The following PDLIM5 variants were observed in gnomAD, a reference collection of about 807,000 sequenced individuals.
PDLIM5 encodes the protein PDZ and LIM domain 5.
Under a neutral mutation model 64.2 loss-of-function variants are expected in PDLIM5, and 34 were observed. That is an observed-to-expected ratio of 0.53 (90% CI 0.40 to 0.71). The LOEUF is 0.71. PDLIM5 is among the 30% of genes least tolerant of loss of function. The pLI, the probability that PDLIM5 is intolerant of heterozygous loss-of-function variation, is 0.00. For synonymous variants in PDLIM5, 253 were observed against 269.1 expected (o/e 0.94, Z 0.59); for missense variants, 683 against 733.6 (o/e 0.93, Z 0.80).
intron 8 of PDLIM5, among the ~76,000 whole-genome samples, chr4:94,620,399 G>A (rs990484152): frequency 1.3e-5 from 2 of 152,012 alleles, no homozygotes; most frequent in Non-Finnish European, 2.9e-5. Context: ...GCCAGACATG[G>A]TGGCACATGA....
chr4:94,659,490 GTGTA>G (rs202185484), intron 11 of PDLIM5, among the ~76,000 whole-genome samples: 9,977 of 113,748 alleles, frequency 0.088, 394 homozygotes, highest in African/African-American at 0.13. Flanking sequence ...GTATATATGT[GTGTA>G]TGTGTGTGTG....
At chr4:94,508,293 CTG>C (rs1389169244) in intron 2 of PDLIM5, among the ~76,000 whole-genome samples, 3 of 152,210 alleles carry the variant, frequency 2.0e-5, no homozygotes, top group Middle Eastern at 3.4e-3. Flanking sequence ...TAAAAGCCAA[CTG>C]TGTAGGCTGG....
At chr4:94,633,110 C>T in intron 8 of PDLIM5, among the ~76,000 whole-genome samples, 1 of 152,178 alleles carries the variant, frequency 6.6e-6, no homozygotes, top group South Asian at 2.1e-4. Context: ...AAAGAGTACT[C>T]TTTTAGAGAT....
chr4:94,516,506 C>G (rs907634250), intron 2 of PDLIM5, among the ~76,000 whole-genome samples: 1 of 96,846 alleles, frequency 1.0e-5, no homozygotes, highest in African/African-American at 7.4e-5. Context: ...AAATCCAAAG[C>G]AGTCTCTCTC....
chr4:94,558,727 GTTGCTTTT>G (rs1733584352), intron 3 of PDLIM5, among the ~76,000 whole-genome samples: 1 of 150,158 alleles, frequency 6.7e-6, no homozygotes, highest in African/African-American at 2.4e-5. Context: ...GGTTTTTCTT[GTTGCTTTT>G]TTTTTTATTC....
chr4:94,496,706 C>T (rs2126127242), intron 2 of PDLIM5, among the ~76,000 whole-genome samples: 1 of 152,230 alleles, frequency 6.6e-6, no homozygotes, highest in African/African-American at 2.4e-5. Context: ...CCCAGGCTGG[C>T]CTAGAACTCC....
At chr4:94,591,572 G>C (rs1736675710) in intron 7 of PDLIM5, among the ~76,000 whole-genome samples, 1 of 152,176 alleles carries the variant, frequency 6.6e-6, no homozygotes, top group African/African-American at 2.4e-5. Flanking sequence ...CCTAGGCTTG[G>C]TGGTGCTGCC....
chr4:94,636,539 C>CT (rs770256162), intron 8 of PDLIM5, among the ~76,000 whole-genome samples: 11,498 of 133,828 alleles, frequency 0.086, 595 homozygotes, highest in Non-Finnish European at 0.11. Flanking sequence ...AGAGTTCGTA[C>CT]TTTTTTTTTT....
intron 2 of PDLIM5, among the ~76,000 whole-genome samples, chr4:94,497,549 A>G (rs1163213520): frequency 1.3e-5 from 2 of 152,186 alleles, no homozygotes; most frequent in Non-Finnish European, 2.9e-5. Context: ...ATCTTTTAAG[A>G]TATCTTTCTG....
chr4:94,478,655 G>A (rs1055200570), intron 2 of PDLIM5, among the ~76,000 whole-genome samples: 5 of 151,990 alleles, frequency 3.3e-5, no homozygotes, highest in East Asian at 1.9e-4. Flanking sequence ...AGTTAGGCAC[G>A]TAAGTTAAAG....
At chr4:94,570,022 T>C (rs1734676308) in intron 3 of PDLIM5, among the ~76,000 whole-genome samples, 1 of 152,156 alleles carries the variant, frequency 6.6e-6, no homozygotes, top group South Asian at 2.1e-4. Context: ...TAATAAACCT[T>C]CATGGCCACC....
chr4:94,457,158 A>G, intron 2 of PDLIM5: 1 of 968,908 alleles, frequency 1.0e-6, no homozygotes, highest in Non-Finnish European at 1.2e-6. Flanking sequence ...ACGCCTAAAT[A>G]TCCTTATTAA....
intron 2 of PDLIM5, among the ~76,000 whole-genome samples, chr4:94,513,088 T>A (rs1487839800): frequency 1.3e-5 from 2 of 152,180 alleles, no homozygotes; most frequent in Non-Finnish European, 2.9e-5. Context: ...GTTCATTGGT[T>A]TATATTTCTG....
rs1482825023 is a variant in PDLIM5, at chr4:94,624,702, G to A, written c.1108+6511G>A. On this transcript the variant is annotated intron_variant, in intron 8 of 12. Transcript: ENST00000317968. The stretch of plus-strand genomic sequence containing the variant: ...ACATTTTTAGGAAGAGGCCGATTTG[G>A]AGAGGGAGCAACATATGCAAAAACT... Among the ~76,000 whole-genome samples the A allele has an allele frequency of 2.0e-5, 3 of 152,198 alleles. No homozygotes were observed. In the East Asian group the frequency reaches 5.8e-4, roughly 29 times the overall value.
intron 7 of PDLIM5, among the ~76,000 whole-genome samples, chr4:94,617,014 C>A (rs1738837587): frequency 1.3e-5 from 2 of 152,194 alleles, no homozygotes; most frequent in African/African-American, 4.8e-5. Flanking sequence ...GAACTCCTGA[C>A]CTCAGGTGAT....
chr4:94,526,307 TAATAAAG>T (rs995674141), intron 3 of PDLIM5, among the ~76,000 whole-genome samples: 32 of 152,236 alleles, frequency 2.1e-4, no homozygotes, highest in African/African-American at 7.7e-4. Flanking sequence ...CTACTGATTC[TAATAAAG>T]ATTCTTTAAG....
At chr4:94,475,416 T>C (rs1178994048) in intron 2 of PDLIM5, among the ~76,000 whole-genome samples, 10 of 152,206 alleles carry the variant, frequency 6.6e-5, no homozygotes, top group African/African-American at 2.4e-4. Flanking sequence ...ACATTTGGTT[T>C]TTAGATAATT....
intron 2 of PDLIM5, among the ~76,000 whole-genome samples, chr4:94,475,128 C>T (rs1725210929): frequency 6.6e-6 from 1 of 151,418 alleles, no homozygotes; most frequent in African/African-American, 2.4e-5. Context: ...GTCAATGAAA[C>T]TTCTGCCCTC....
At chr4:94,633,483 A>T (rs1740315063) in intron 8 of PDLIM5, among the ~76,000 whole-genome samples, 1 of 152,206 alleles carries the variant, frequency 6.6e-6, no homozygotes, top group Admixed American at 6.5e-5. Context: ...AGGAGTCTTT[A>T]ACATTTTCCT....
Sources: gnomAD v4.1 joint callset for allele counts (sites outside exome capture counted in the v4.1 genomes callset) on GRCh38, gnomAD v4.1.1 for gene constraint, MANE v1.5 for transcripts, NCBI Gene and HGNC (gene_info 2026-07-23, HGNC 2026-07-21) for gene names.